The following ADARB2 variants were observed in gnomAD, a reference collection of about 807,000 sequenced individuals.
ADARB2 encodes adenosine deaminase RNA specific B2 (inactive).
Under a neutral mutation model 62.2 loss-of-function variants are expected in ADARB2, and 25 were observed. The ratio of observed to expected loss-of-function variants is 0.40; its 90% confidence interval spans 0.29 to 0.56. The LOEUF (loss-of-function observed/expected upper bound fraction) is 0.56, where lower values mean the gene tolerates loss of function less well. Among genes scored for constraint, ADARB2 ranks in the 20% least tolerant of loss-of-function variants. ADARB2 has a pLI of 0.43. For synonymous variants in ADARB2, 572 were observed against 500.8 expected, an observed-to-expected ratio of 1.14 and a Z score of -1.90; for missense variants, 1,071 against 1,077.4, an observed-to-expected ratio of 0.99 and a Z score of 0.08.
chr10:1,489,557 A>G (rs776536369), intron 1 of ADARB2, among the ~76,000 whole-genome samples: 100 of 152,222 alleles, frequency 6.6e-4, no homozygotes, highest in Non-Finnish European at 1.8e-4. Context: ...TGTTTGCATT[A>G]GCGGAAGAAA....
intron 1 of ADARB2, among the ~76,000 whole-genome samples, chr10:1,449,314 C>T (rs1432865543): frequency 1.3e-5 from 2 of 152,168 alleles, no homozygotes; most frequent in Admixed American, 1.3e-4. Context: ...CCCAGCTGGA[C>T]CCCGTGCCCC....
intron 3 of ADARB2, among the ~76,000 whole-genome samples, chr10:1,311,466 C>G (rs990111041): frequency 3.3e-5 from 5 of 152,048 alleles, no homozygotes; most frequent in Non-Finnish European, 7.4e-5. Flanking sequence ...GTGGGTTCTT[C>G]CGGGAAATGA....
chr10:1,659,192 T>C (rs1267294307), intron 1 of ADARB2, among the ~76,000 whole-genome samples: 1 of 152,238 alleles, frequency 6.6e-6, no homozygotes, highest in Non-Finnish European at 1.5e-5. Context: ...TCTGTTAATT[T>C]ATCAGCGGCA....
At chr10:1,521,123 G>A (rs528451924) in intron 1 of ADARB2, among the ~76,000 whole-genome samples, 180 of 152,244 alleles carry the variant, frequency 1.2e-3, no homozygotes, top group Non-Finnish European at 1.8e-3. Context: ...CAGGCGGCCC[G>A]GAGTCGGGTG....
intron 1 of ADARB2, among the ~76,000 whole-genome samples, chr10:1,582,122 C>T (rs1488523005): frequency 6.6e-6 from 1 of 152,190 alleles, no homozygotes; most frequent in Non-Finnish European, 1.5e-5. Context: ...AACTTGGGAC[C>T]ATTCCACGTT....
At chr10:1,288,159 A>G (rs1259458609) in intron 3 of ADARB2, among the ~76,000 whole-genome samples, 1 of 152,260 alleles carries the variant, frequency 6.6e-6, no homozygotes, top group African/African-American at 2.4e-5. Context: ...CATGCCCAGA[A>G]CGTCACAGAC....
chr10:1,472,385 G>A (rs1831335422), intron 1 of ADARB2, among the ~76,000 whole-genome samples: 1 of 152,018 alleles, frequency 6.6e-6, no homozygotes, highest in South Asian at 2.1e-4. Flanking sequence ...GGGCCACGCG[G>A]CTCAGGGGTC....
intron 1 of ADARB2, among the ~76,000 whole-genome samples, chr10:1,506,988 A>T (rs1831860677): frequency 1.3e-5 from 2 of 152,208 alleles, no homozygotes; most frequent in Non-Finnish European, 2.9e-5. Flanking sequence ...CACAATCCGG[A>T]TCTGCTGCCT....
At chr10:1,616,384 A>G (rs1018358938) in intron 1 of ADARB2, among the ~76,000 whole-genome samples, 1 of 152,134 alleles carries the variant, frequency 6.6e-6, no homozygotes, top group Non-Finnish European at 1.5e-5. Context: ...GACACACTCT[A>G]CCCTGAGCTG....
At chr10:1,298,360 G>A (rs1375117626) in intron 3 of ADARB2, among the ~76,000 whole-genome samples, 1 of 152,166 alleles carries the variant, frequency 6.6e-6, no homozygotes, top group East Asian at 1.9e-4. Context: ...TGGACTTAAG[G>A]GTTTCCATGG....
chr10:1,712,678 G>A (rs1329963626), intron 1 of ADARB2, among the ~76,000 whole-genome samples: 1 of 95,096 alleles, frequency 1.1e-5, no homozygotes, highest in African/African-American at 4.1e-5. Flanking sequence ...GCGGGATCTC[G>A]GTTCACTGCA....
chr10:1,272,135 G>A (rs903221068), intron 3 of ADARB2, among the ~76,000 whole-genome samples: 4 of 152,136 alleles, frequency 2.6e-5, no homozygotes, highest in East Asian at 1.9e-4. Flanking sequence ...GTCACCACAG[G>A]CATTGCCTGA....
intron 1 of ADARB2, among the ~76,000 whole-genome samples, chr10:1,684,205 GA>G (rs1260096144): frequency 2.0e-5 from 3 of 152,186 alleles, no homozygotes; most frequent in Non-Finnish European, 4.4e-5. Flanking sequence ...ATCCATGACA[GA>G]AAAACAGACT....
intron 7 of ADARB2, among the ~76,000 whole-genome samples, chr10:1,204,006 G>A (rs900633633): frequency 2.6e-5 from 4 of 152,174 alleles, no homozygotes; most frequent in Admixed American, 6.5e-5. Context: ...CACCGTCTCC[G>A]TGTTGGTTCT....
chr10:1,475,015 T>C (rs2676754), intron 1 of ADARB2, among the ~76,000 whole-genome samples: 79,711 of 151,988 alleles, frequency 0.52, 21,292 homozygotes, highest in South Asian at 0.72. Flanking sequence ...CCTGGTCTAA[T>C]GGTGCCACGC....
intron 1 of ADARB2, among the ~76,000 whole-genome samples, chr10:1,400,257 AG>A (rs1168806153): frequency 6.6e-6 from 1 of 152,204 alleles, no homozygotes; most frequent in Non-Finnish European, 1.5e-5. Context: ...ATTCCACCGC[AG>A]GGCTGAGCCC....
chr10:1,634,047 C>T (rs1041121408), intron 1 of ADARB2, among the ~76,000 whole-genome samples: 5 of 152,300 alleles, frequency 3.3e-5, no homozygotes, highest in Non-Finnish European at 5.9e-5. Context: ...TTTCTGCTGC[C>T]GGCTGTGCTG....
At chr10:1,253,686 G>A (rs1050085886) in intron 4 of ADARB2, among the ~76,000 whole-genome samples, 4 of 152,198 alleles carry the variant, frequency 2.6e-5, no homozygotes, top group African/African-American at 7.2e-5. Context: ...TACACCAGCT[G>A]TAGGGACACC....
intron 3 of ADARB2, among the ~76,000 whole-genome samples, chr10:1,349,017 G>A (rs957639068): frequency 1.3e-5 from 2 of 152,178 alleles, no homozygotes; most frequent in Admixed American, 1.3e-4. Flanking sequence ...CAGGGGAGGT[G>A]TCAGGCCTCT....
Sources: allele counts gnomAD v4.1 joint callset (sites outside exome capture counted in the v4.1 genomes callset), GRCh38; gene constraint gnomAD v4.1.1; transcripts MANE v1.5; gene names NCBI Gene and HGNC (gene_info 2026-07-23, HGNC 2026-07-21).